The following DUOXA1 variants were observed in gnomAD, a reference collection of about 807,000 sequenced individuals.
DUOXA1 encodes dual oxidase maturation factor 1.
In DUOXA1, 19 loss-of-function variants were observed where a neutral mutation model predicts 26.6. That is an observed-to-expected ratio of 0.71 (90% CI 0.50 to 1.05). The LOEUF is 1.05. Among genes scored for constraint, DUOXA1 ranks in the 50% least tolerant of loss-of-function variants. The probability of loss-of-function intolerance (pLI) is 0.00; values close to 1 mark genes in which losing one functional copy is unlikely to be tolerated. For synonymous variants in DUOXA1, 166 were observed against 177.0 expected (o/e 0.94, Z 0.49); for missense variants, 403 against 427.5 (o/e 0.94, Z 0.51).
rs1895154773 is a variant in DUOXA1, at chr15:45,121,081, C to T, written c.340+6G>A. 1.9e-6 allele frequency: 3 copies of T among 1,614,020 alleles called. No homozygotes were observed. The highest frequency in any genetic ancestry group is 8.5e-7 in the Non-Finnish European group (1 of 1,180,012). Reference sequence around the variant, plus strand: ...CCCCCCACCACAGGTAAGAGCCCTCCCTCACCTGTGAGTGTGATGTTGACT... The same window carrying T: ...CCCCCCACCACAGGTAAGAGCCCTCTCTCACCTGTGAGTGTGATGTTGACT... On this transcript the variant is annotated splice_donor_region_variant and intron_variant, in intron 6 of 8. Transcript: ENST00000560572.
At chr15:45,127,349 A>G (rs1895760296) in intron 3 of DUOXA1, among the ~76,000 whole-genome samples, 1 of 152,208 alleles carries the variant, frequency 6.6e-6, no homozygotes, top group Non-Finnish European at 1.5e-5. Flanking sequence ...AGAATGTTTC[A>G]TTTCTATTAA....
chr15:45,120,354 G>C, intron 7 of DUOXA1, 34 bp from the exon 8 acceptor site: 1 of 1,612,158 alleles, frequency 6.2e-7, no homozygotes, highest in Non-Finnish European at 8.5e-7. Flanking sequence ...GACTGGCCCA[G>C]GTACTTCTAC....
At chr15:45,121,278 T>C (rs1320398291) in intron 5 of DUOXA1, 57 bp from the exon 6 acceptor site, 3 of 1,611,908 alleles carry the variant, frequency 1.9e-6, no homozygotes, top group Non-Finnish European at 8.5e-7. Context: ...ATTACTAGGT[T>C]AGAGTCAGAA....
In DUOXA1 at chr15:45,122,257, A is replaced by G. The variant is rs1454942073; in HGVS notation, c.148-15T>C. ...CAGAACAGCCTCTGAGTCACAAGGT[A>G]GGTGGGTTAAGTAAAGAGTGCCTTC... On this transcript the variant is annotated splice_polypyrimidine_tract_variant and intron_variant, in intron 4 of 8. Transcript: ENST00000560572. 6.3e-7 allele frequency: 1 copy of G among 1,596,140 alleles called. No homozygotes were observed. Among genetic ancestry groups the G allele is most frequent in the Non-Finnish European group, 8.5e-7 (1 of 1,170,696 alleles).
intron 6 of DUOXA1, 113 bp downstream of exon 6, chr15:45,120,974 C>T (rs1895142649): frequency 6.4e-7 from 1 of 1,551,112 alleles, no homozygotes. Flanking sequence ...TCCCACCTCA[C>T]ACATCCTCCC....
chr15:45,117,922 CT>C lies in DUOXA1; in HGVS notation c.*1183del. On this transcript the variant is annotated 3_prime_UTR_variant, in exon 9 of 9. Coordinates refer to ENST00000560572, the MANE Select transcript of DUOXA1 (RefSeq NM_001276266.2). ...CACTAACCTGTGAGGGGGACCCAAT[CT>C]GGACTCCTTCCCCGCCTTGGGACAT... The C allele has an allele frequency of 6.2e-7, 1 of 1,613,308 alleles. No homozygotes were observed. The highest frequency in any genetic ancestry group is 8.5e-7 in the Non-Finnish European group (1 of 1,180,040).
chr15:45,120,194 G>C lies in DUOXA1; in HGVS notation c.681C>G (p.Ala227=), dbSNP rs1895041118. ...QLLALLFFSM[A]TSLTSPCPLH... ...GGGGACAGGGTGAGGTGAGTGATGT[G>C]GCCATGGAGAAGAAGAGCAGAGCCA... The change falls in exon 8 of 9, where the codon GCC becomes GCG. Residue 227 remains alanine, a synonymous_variant. Coordinates refer to ENST00000560572, the MANE Select transcript of DUOXA1 (RefSeq NM_001276266.2). 1 of 1,614,104 alleles carries C rather than the reference G, an allele frequency of 6.2e-7. No homozygotes were observed. The highest frequency in any genetic ancestry group is 1.3e-5 in the African/African-American group (1 of 75,024).
chr15:45,127,481 T>C (rs893665853), intron 3 of DUOXA1, among the ~76,000 whole-genome samples: 1 of 152,254 alleles, frequency 6.6e-6, no homozygotes, highest in African/African-American at 2.4e-5. Flanking sequence ...AAAAAAACAG[T>C]TGGTAAATGA....
chr15:45,122,353 T>C, intron 4 of DUOXA1, 111 bp from the exon 5 acceptor site: 2 of 1,002,968 alleles, frequency 2.0e-6, no homozygotes, highest in Admixed American at 2.0e-5. Context: ...GATCACTTGG[T>C]CAATTGAAAT....
chr15:45,117,822 G>A lies in DUOXA1; in HGVS notation c.*1284C>T. On this transcript the variant is annotated 3_prime_UTR_variant, in exon 9 of 9. Transcript: ENST00000560572. Reference sequence around the variant, plus strand: ...AAAGCGCCAAGGACTGCAGCCAGGAGAGAGGGGGCTCACCTCTTATCCTCG... The same window carrying A: ...AAAGCGCCAAGGACTGCAGCCAGGAAAGAGGGGGCTCACCTCTTATCCTCG... 1.9e-6 allele frequency: 3 copies of A among 1,613,920 alleles called. No individual in the cohort carries two copies. The highest frequency in any genetic ancestry group is 2.5e-6 in the Non-Finnish European group (3 of 1,180,042).
intron 3 of DUOXA1, among the ~76,000 whole-genome samples, chr15:45,128,686 A>G (rs2046568623): frequency 6.6e-6 from 1 of 152,216 alleles, no homozygotes; most frequent in African/African-American, 2.4e-5. Flanking sequence ...ATTCCCCAGT[A>G]AGGGCTGATG....
At chr15:45,121,821 G>C (rs1024363583) in intron 5 of DUOXA1, among the ~76,000 whole-genome samples, 1 of 152,098 alleles carries the variant, frequency 6.6e-6, no homozygotes, top group African/African-American at 2.4e-5. Context: ...CCGGCCTCAC[G>C]GAGACTTTCA....
intron 5 of DUOXA1, 152 bp downstream of exon 5, chr15:45,122,033 G>T: frequency 1.3e-6 from 1 of 772,964 alleles, no homozygotes; most frequent in South Asian, 1.6e-5. Flanking sequence ...GGGGAGATAA[G>T]GCCATGGTGA....
intron 6 of DUOXA1, 30 bp from the exon 7 acceptor site, chr15:45,120,835 G>T: frequency 6.2e-7 from 1 of 1,611,176 alleles, no homozygotes. Context: ...TGCTCAGCAG[G>T]AACCCAAGGG....
Position 45,118,193 on chromosome 15 carries a change from A to G in DUOXA1, c.*913T>C, listed in dbSNP as rs908595646. The G allele has an allele frequency of 7.7e-5, 109 of 1,422,490 alleles. No homozygotes were observed. Among genetic ancestry groups the G allele is most frequent in the Middle Eastern group, 5.2e-4 (2 of 3,868 alleles). 88.1% of individuals were successfully genotyped at this position (1,422,490 alleles called of 1,614,324 possible). Reference sequence around the variant, plus strand: ...CGCTGGGCTGGAGACAGCCTAGTACACTCTCCGCAGTGCTGTGAAACCTGA... The same window carrying G: ...CGCTGGGCTGGAGACAGCCTAGTACGCTCTCCGCAGTGCTGTGAAACCTGA... On this transcript the variant is annotated 3_prime_UTR_variant, in exon 9 of 9. Transcript: ENST00000560572.
In DUOXA1 at chr15:45,121,118, G is replaced by A. The variant is rs761662799; in HGVS notation, c.309C>T (p.Val103=). ...GTGTGATGTTGACTCCACCCAGCCC[G>A]ACCTGCAGCCCAATATCAGCGCTGA... is the stretch of plus-strand genomic sequence containing the variant. ...EWISADIGLQ[V]GLGGVNITLT... The change falls in exon 6 of 9, where the codon GTC becomes GTT. Residue 103 remains valine (V), a synonymous_variant. Transcript: ENST00000560572. The A allele has an allele frequency of 8.1e-6, 13 of 1,614,080 alleles. No individual in the cohort carries two copies. Among genetic ancestry groups the A allele is most frequent in the Admixed American group, 5.0e-5 (3 of 60,002 alleles).
At position 45,118,962 on chromosome 15, in the gene DUOXA1, G is replaced by T; in HGVS notation, c.*144C>A. The stretch of plus-strand genomic sequence containing the variant: ...TTTTGTTTTTTAACATCAGTATATA[G>T]AGCCTCCTTTTTCTACTCCGTCTGT... On this transcript the variant is annotated 3_prime_UTR_variant, in exon 9 of 9. Coordinates refer to ENST00000560572, the MANE Select transcript of DUOXA1 (RefSeq NM_001276266.2). The T allele has an allele frequency of 7.0e-7, 1 of 1,425,198 alleles. No homozygotes were observed. The highest frequency in any genetic ancestry group is 2.5e-5 in the East Asian group (1 of 39,770). The allele number at this position is 1,425,198 out of a possible 1,614,324, so 88.3% of individuals were successfully genotyped here.
Position 45,118,238 on chromosome 15 carries a change from A to G in DUOXA1, c.*868T>C. On this transcript the variant is annotated 3_prime_UTR_variant, in exon 9 of 9. Coordinates refer to ENST00000560572, the MANE Select transcript of DUOXA1 (RefSeq NM_001276266.2). ...ACCTGATTCTCTGCGTCGACTCCAG[A>G]GTAATAGGGGCGCCCTCTAGTGAGG... is the stretch of plus-strand genomic sequence containing the variant. The G allele has an allele frequency of 7.1e-7, 1 of 1,406,824 alleles. No homozygotes were observed. The highest frequency in any genetic ancestry group is 9.2e-7 in the Non-Finnish European group (1 of 1,087,336). The allele number at this position is 1,406,824 out of a possible 1,614,324, so 87.1% of individuals were successfully genotyped here. A position where few individuals can be genotyped will look rare whatever the true frequency, so the allele number is the denominator to read the frequency against.
At position 45,119,277 on chromosome 15, in the gene DUOXA1, C is replaced by G. The variant is rs759131675; in HGVS notation, c.861G>C (p.Val287=). 2 of 1,614,056 alleles carry G rather than the reference C, an allele frequency of 1.2e-6. No individual in the cohort carries two copies. Among genetic ancestry groups the G allele is most frequent in the South Asian group, 2.2e-5 (2 of 91,084 alleles). ...HRLKAFFNQS[V]DEDPMLEWSP... ...TCCACTCCAGCATGGGGTCTTCATC[C>G]ACACTCTGGTTGAAGAAAGCCTTCA... The change falls in exon 9 of 9, where the codon GTG becomes GTC. Residue 287 remains valine, a synonymous_variant. Transcript: ENST00000560572.
Sources: gnomAD v4.1 joint callset for allele counts (sites outside exome capture counted in the v4.1 genomes callset) on GRCh38, gnomAD v4.1.1 for gene constraint, MANE v1.5 for transcripts, NCBI Gene and HGNC (gene_info 2026-07-23, HGNC 2026-07-21) for gene names.